Variants in SLC11A1 observed in about 807,000 individuals in gnomAD.
SLC11A1 encodes the protein natural resistance-associated macrophage protein 1.
A neutral mutation model predicts 63.2 loss-of-function variants in SLC11A1; 59 were observed. That is an observed-to-expected ratio of 0.93 (90% CI 0.76 to 1.16). The LOEUF is 1.16. Ranked by LOEUF, SLC11A1 falls within the 50% of genes most tolerant of loss-of-function variation. The probability of loss-of-function intolerance (pLI) is 0.00; values close to 1 mark genes in which losing one functional copy is unlikely to be tolerated. For synonymous variants in SLC11A1, 305 were observed against 307.8 expected, an observed-to-expected ratio of 0.99 and a Z score of 0.09; for missense variants, 688 against 730.7, an observed-to-expected ratio of 0.94 and a Z score of 0.67.
In SLC11A1 at chr2:218,394,909, G is replaced by A. The variant is rs1236117877; in HGVS notation, c.1543-16G>A. On this transcript the variant is annotated splice_polypyrimidine_tract_variant and intron_variant, in intron 14 of 14. Coordinates refer to ENST00000233202, the MANE Select transcript of SLC11A1 (RefSeq NM_000578.4). ...GGTCTTGGCATCTCCCCAATTCATG[G>A]TTGCCCCTCCCCCAGGTCTGGACCT... The A allele has an allele frequency of 6.2e-7, 1 of 1,610,166 alleles. No individual in the cohort carries two copies. The highest frequency in any genetic ancestry group is 1.7e-5 in the Admixed American group (1 of 59,662).
chr2:218,392,952 C>T lies in SLC11A1; in HGVS notation c.1165-29C>T, dbSNP rs200471815. 55 of 1,562,448 alleles carry T rather than the reference C, an allele frequency of 3.5e-5. No homozygotes were observed. In the East Asian group the frequency reaches 1.2e-3, roughly 35 times the overall value. Reference sequence around the variant, plus strand: ...TCTGGAATCCCCAGTCCTGTCTACTCCTCACCAAGGAGTTCACCCCCACCC... The same window carrying T: ...TCTGGAATCCCCAGTCCTGTCTACTTCTCACCAAGGAGTTCACCCCCACCC... On this transcript the variant is annotated intron_variant, in intron 11 of 14. Transcript: ENST00000233202.
At chr2:218,382,460 G>A in intron 1 of SLC11A1, 85 bp downstream of exon 1, 1 of 1,502,802 alleles carries the variant, frequency 6.7e-7, no homozygotes, top group Non-Finnish European at 9.2e-7. Flanking sequence ...GAGGAAGCAA[G>A]AAAGCCCTTG....
intron 11 of SLC11A1, 118 bp from the exon 12 acceptor site, chr2:218,392,863 A>C: frequency 1.3e-6 from 1 of 791,374 alleles, no homozygotes. Flanking sequence ...TCCCAGTTCA[A>C]CAGTGGAAAA....
In SLC11A1 at chr2:218,396,267, G is replaced by T. The variant is rs1010310856; in HGVS notation, c.*1232G>T. 9 of 152,470 alleles carry T rather than the reference G, an allele frequency of 5.9e-5. No individual in the cohort carries two copies. The highest frequency in any genetic ancestry group is 1.0e-4 in the Non-Finnish European group (7 of 68,076). 9.4% of individuals were successfully genotyped at this position (152,470 alleles called of 1,614,324 possible). A position where few individuals can be genotyped will look rare whatever the true frequency, so the allele number is the denominator to read the frequency against. ...CCCCCTCTGCCTTAGGGAGCGGCTG[G>T]GCACCCATTCGCCCCATTCAGGGGC... On this transcript the variant is annotated 3_prime_UTR_variant, in exon 15 of 15. Coordinates refer to ENST00000233202, the MANE Select transcript of SLC11A1 (RefSeq NM_000578.4).
Position 218,389,919 on chromosome 2 carries a change from T to G in SLC11A1, c.845T>G (p.Met282Arg). Residue 282 changes from methionine (M) to arginine (R), a missense_variant, in exon 9 of 15, where the codon ATG becomes AGG. Transcript: ENST00000233202. ...CGAGCAGACATCAGAGAAGCCAACA[T>G]GTACTTCCTGATTGAGGCCACCATC... ...ARRADIREAN[M>R]YFLIEATIAL... 1 of 1,614,052 alleles carries G rather than the reference T, an allele frequency of 6.2e-7. No individual in the cohort carries two copies. The highest frequency in any genetic ancestry group is 8.5e-7 in the Non-Finnish European group (1 of 1,179,974).
At chr2:218,385,551 CG>C in intron 4 of SLC11A1, 3 of 449,958 alleles carry the variant, frequency 6.7e-6, no homozygotes, top group South Asian at 5.0e-5. Flanking sequence ...CCACCATCAT[CG>C]GCTAATTTTT....
At chr2:218,382,409 G>C (rs376428821) in intron 1 of SLC11A1, 34 bp downstream of exon 1, 2 of 1,611,026 alleles carry the variant, frequency 1.2e-6, no homozygotes, top group Middle Eastern at 3.3e-4. Context: ...GAGCCTGATT[G>C]GGGGGTGGAG....
chr2:218,386,793 G>A, intron 5 of SLC11A1, 52 bp downstream of exon 5: 1 of 1,355,498 alleles, frequency 7.4e-7, no homozygotes, highest in Non-Finnish European at 1.1e-6. Context: ...AACAGCTGCT[G>A]CTACTTCCCC....
chr2:218,387,223 T>C lies in SLC11A1; in HGVS notation c.564T>C (p.Asp188=). ...ACACCTTCTTCTTCCTCTTCCTCGA[T>C]AACTACGGTGGGTGCACACCCCACC... The part of the protein sequence containing the change: ...IVDTFFFLFL[D]NYGLRKLEAF... The change falls in exon 6 of 15, where the codon GAT becomes GAC. Residue 188 remains aspartate, a synonymous_variant. Transcript: ENST00000233202. 6.2e-7 allele frequency: 1 copy of C among 1,613,424 alleles called. No homozygotes were observed. Among genetic ancestry groups the C allele is most frequent in the Non-Finnish European group, 8.5e-7 (1 of 1,179,590 alleles).
At chr2:218,391,605 T>C in intron 11 of SLC11A1, 110 bp downstream of exon 11, 1 of 1,284,912 alleles carries the variant, frequency 7.8e-7, no homozygotes, top group Non-Finnish European at 1.0e-6. Flanking sequence ...CTTTCTTTTC[T>C]TCCTTTTTTT....
In SLC11A1 at chr2:218,396,144, G is replaced by A. The variant is rs896137035; in HGVS notation, c.*1109G>A. On this transcript the variant is annotated 3_prime_UTR_variant, in exon 15 of 15. Transcript: ENST00000233202. Reference sequence around the variant, plus strand: ...GCCCCGGCCTCACCCCTCCCCGCCAGGCGGAACGACGCGGGGAGGCGGGCG... The same window carrying A: ...GCCCCGGCCTCACCCCTCCCCGCCAAGCGGAACGACGCGGGGAGGCGGGCG... 6.6e-6 allele frequency: 1 copy of A among 151,490 alleles called. No individual in the cohort carries two copies. The highest frequency in any genetic ancestry group is 1.5e-5 in the Non-Finnish European group (1 of 67,892). The allele number at this position is 151,490 out of a possible 1,614,324, so 9.4% of individuals were successfully genotyped here.
Position 218,394,957 on chromosome 2 carries a change from C to T in SLC11A1, c.1575C>T (p.Thr525=). The part of the protein sequence containing the change: ...VWTCCLAHGA[T]FLAHSSHHHF... ...CCTGTTGCCTTGCCCACGGAGCCAC[C>T]TTTCTGGCCCACAGCTCCCACCACC... The change falls in exon 15 of 15, where the codon ACC becomes ACT. Residue 525 remains threonine, a synonymous_variant. Coordinates refer to ENST00000233202, the MANE Select transcript of SLC11A1 (RefSeq NM_000578.4). 2 of 1,613,372 alleles carry T rather than the reference C, an allele frequency of 1.2e-6. No individual in the cohort carries two copies. Among genetic ancestry groups the T allele is most frequent in the South Asian group, 1.1e-5 (1 of 90,856 alleles).
intron 4 of SLC11A1, 107 bp from the exon 5 acceptor site, chr2:218,386,528 G>T: frequency 1.4e-6 from 1 of 732,602 alleles, no homozygotes; most frequent in Non-Finnish European, 2.4e-6. Flanking sequence ...GAAGCCCATT[G>T]GCCAGACTGT....
In SLC11A1 at chr2:218,391,275, C is replaced by T. The variant is rs774591069; in HGVS notation, c.1032C>T (p.Asp344=). The change falls in exon 10 of 15, where the codon GAC becomes GAT. Residue 344 remains aspartate, a synonymous_variant. Transcript: ENST00000233202. ...TGAACAACGCCACCGTGGCCGTGGA[C>T]ATTTACCAGGGGGTGAGCGCGGGTG... ...FPMNNATVAV[D]IYQGGVILGC... The T allele has an allele frequency of 4.4e-6, 5 of 1,126,820 alleles. No individual in the cohort carries two copies. The highest frequency in any genetic ancestry group is 3.6e-5 in the South Asian group (3 of 82,502). 69.8% of individuals were successfully genotyped at this position (1,126,820 alleles called of 1,614,324 possible).
In SLC11A1 at chr2:218,396,778, C is replaced by T. The variant is rs1696810213; in HGVS notation, c.*1743C>T. The T allele has an allele frequency of 6.6e-6, 1 of 152,562 alleles. No homozygotes were observed. Among genetic ancestry groups the T allele is most frequent in the Non-Finnish European group, 1.5e-5 (1 of 68,268 alleles). The allele number at this position is 152,562 out of a possible 1,614,324, so 9.5% of individuals were successfully genotyped here. The stretch of plus-strand genomic sequence containing the variant: ...GATCCTTTAGCCTCCTGGAAGTGCC[C>T]CCGTTGTACCCCCTACACACCCCTC... On this transcript the variant is annotated 3_prime_UTR_variant, in exon 15 of 15. Coordinates refer to ENST00000233202, the MANE Select transcript of SLC11A1 (RefSeq NM_000578.4).
At chr2:218,391,557 G>C (rs909463490) in intron 11 of SLC11A1, 62 bp downstream of exon 11, 28 of 1,485,642 alleles carry the variant, frequency 1.9e-5, no homozygotes, top group Non-Finnish European at 2.4e-5. Flanking sequence ...CACTACTGGG[G>C]GCTAGAACTC....
At chr2:218,386,584 A>G in intron 4 of SLC11A1, 51 bp from the exon 5 acceptor site, 1 of 1,308,306 alleles carries the variant, frequency 7.6e-7, no homozygotes, top group Non-Finnish European at 1.1e-6. Flanking sequence ...GTCTGAGACG[A>G]CAGGCAAATA....
At chr2:218,393,250 A>G in intron 12 of SLC11A1, 120 bp downstream of exon 12, 1 of 1,078,836 alleles carries the variant, frequency 9.3e-7, no homozygotes. Context: ...TCTTGCCTAC[A>G]AGGCTTCCAT....
chr2:218,393,977 GAGACGGGGAA>G, intron 12 of SLC11A1, 133 bp from the exon 13 acceptor site: 1 of 678,586 alleles, frequency 1.5e-6, no homozygotes, highest in Non-Finnish European at 2.4e-6. Context: ...GATAAGGCAG[GAGACGGGGAA>G]GTAGGCTCAG....
Sources: allele counts gnomAD v4.1 joint callset, GRCh38; gene constraint gnomAD v4.1.1; transcripts MANE v1.5; gene names NCBI Gene and HGNC (gene_info 2026-07-23, HGNC 2026-07-21).